GBE1: variants seen among roughly 807,000 people sequenced by gnomAD.
GBE1 encodes 1,4-alpha-glucan-branching enzyme.
In GBE1, 70 loss-of-function variants were observed where a neutral mutation model predicts 88.8. That is an observed-to-expected ratio of 0.79 (90% CI 0.65 to 0.96). The LOEUF (loss-of-function observed/expected upper bound fraction) is 0.96. GBE1 is among the 40% of genes least tolerant of loss of function. The probability of loss-of-function intolerance (pLI) is 0.00; values close to 1 mark genes in which losing one functional copy is unlikely to be tolerated. For synonymous variants in GBE1, 284 were observed against 300.1 expected (o/e 0.95, Z 0.56); for missense variants, 872 against 871.0 (o/e 1.00, Z -0.01).
At chr3:81,689,645 C>T (rs1411731341) in intron 2 of GBE1, among the ~76,000 whole-genome samples, 1 of 152,186 alleles carries the variant, frequency 6.6e-6, no homozygotes, top group African/African-American at 2.4e-5. Context: ...CACACAGCCT[C>T]CCATCACTAG....
intron 1 of GBE1, chr3:81,743,527 T>C (rs1209781599): frequency 4.1e-6 from 6 of 1,468,916 alleles, no homozygotes; most frequent in Non-Finnish European, 5.5e-6. Flanking sequence ...AAAGACCAAC[T>C]CAAAAATAAT....
intron 14 of GBE1, among the ~76,000 whole-genome samples, chr3:81,511,276 T>C (rs1205447823): frequency 6.6e-6 from 1 of 151,978 alleles, no homozygotes; most frequent in African/African-American, 2.4e-5. Context: ...TGCAAACAAT[T>C]TATGGCTAAC....
At chr3:81,550,297 G>C (rs1036735957) in intron 12 of GBE1, among the ~76,000 whole-genome samples, 9 of 151,076 alleles carry the variant, frequency 6.0e-5, no homozygotes, top group African/African-American at 2.2e-4. Flanking sequence ...CAATAGTTAC[G>C]AATGGCTATC....
chr3:81,499,279 A>G lies in GBE1; in HGVS notation c.1935-52T>C, dbSNP rs886903120. On this transcript the variant is annotated intron_variant, in intron 14 of 15. Coordinates refer to ENST00000429644, the MANE Select transcript of GBE1 (RefSeq NM_000158.4). The stretch of plus-strand genomic sequence containing the variant: ...GTTGAGGAGTTGAATGAGACATTGT[A>G]AAATACGTGCTGAGAGAGCAATTTA... The G allele has an allele frequency of 9.5e-6, 10 of 1,055,786 alleles. No individual in the cohort carries two copies. The Admixed American group carries it at 1.3e-4, about 14-fold the overall frequency. 65.4% of individuals were successfully genotyped at this position (1,055,786 alleles called of 1,614,324 possible). A position where few individuals can be genotyped will look rare whatever the true frequency, so the allele number is the denominator to read the frequency against.
intron 3 of GBE1, among the ~76,000 whole-genome samples, chr3:81,669,620 G>T (rs1329553037): frequency 2.6e-5 from 4 of 151,212 alleles, no homozygotes; most frequent in Non-Finnish European, 1.5e-5. Flanking sequence ...GTATACAGGA[G>T]TAGGAAAAAA....
At chr3:81,605,211 T>C (rs1323615660) in intron 7 of GBE1, among the ~76,000 whole-genome samples, 2 of 152,226 alleles carry the variant, frequency 1.3e-5, no homozygotes, top group Non-Finnish European at 2.9e-5. Flanking sequence ...GCTCCAGTTA[T>C]AAATTTTGCA....
At chr3:81,499,991 T>G (rs1037696886) in intron 14 of GBE1, among the ~76,000 whole-genome samples, 27 of 152,196 alleles carry the variant, frequency 1.8e-4, no homozygotes, top group Non-Finnish European at 2.5e-4. Context: ...GTGCTTTTTG[T>G]TTTGATTTCC....
At chr3:81,740,233 A>G (rs1706326326) in intron 1 of GBE1, among the ~76,000 whole-genome samples, 1 of 152,102 alleles carries the variant, frequency 6.6e-6, no homozygotes, top group Non-Finnish European at 1.5e-5. Context: ...TCAAATAATA[A>G]TAATAATAGA....
intron 3 of GBE1, among the ~76,000 whole-genome samples, chr3:81,657,680 GTACCAAATAAACA>G (rs1704961554): frequency 6.6e-6 from 1 of 152,032 alleles, no homozygotes; most frequent in African/African-American, 2.4e-5. Flanking sequence ...CCTGCTATGG[GTACCAAATAAACA>G]TAACTGTTTT....
At chr3:81,685,223 G>A (rs1372114159) in intron 2 of GBE1, among the ~76,000 whole-genome samples, 1 of 152,112 alleles carries the variant, frequency 6.6e-6, no homozygotes, top group Non-Finnish European at 1.5e-5. Flanking sequence ...CAGCAGACAA[G>A]AACTCCCTCA....
At chr3:81,616,719 C>T (rs1304753787) in intron 7 of GBE1, among the ~76,000 whole-genome samples, 1 of 152,104 alleles carries the variant, frequency 6.6e-6, no homozygotes, top group African/African-American at 2.4e-5. Context: ...TCTATGTCTA[C>T]ATCTGTAAAA....
At chr3:81,494,796 CTTAA>C (rs898907255) in intron 15 of GBE1, among the ~76,000 whole-genome samples, 22 of 152,244 alleles carry the variant, frequency 1.4e-4, no homozygotes, top group African/African-American at 5.3e-4. Flanking sequence ...ACTTTAATGA[CTTAA>C]TTGACTCACT....
chr3:81,750,574 T>C (rs796371159), intron 1 of GBE1, among the ~76,000 whole-genome samples: 2 of 65,712 alleles, frequency 3.0e-5, no homozygotes, highest in Non-Finnish European at 2.6e-5. Context: ...TATATATATA[T>C]ACGTATATAT....
chr3:81,667,335 G>A (rs1206992428), intron 3 of GBE1, among the ~76,000 whole-genome samples: 1 of 152,136 alleles, frequency 6.6e-6, no homozygotes, highest in Non-Finnish European at 1.5e-5. Context: ...TCAGCTAAAG[G>A]AGTTTTGGGG....
chr3:81,648,870 CTTGGT>C lies in GBE1; in HGVS notation c.672_676del (p.Pro225AsnfsTer41). The C allele has an allele frequency of 6.5e-7, 1 of 1,534,384 alleles. No homozygotes were observed. The highest frequency in any genetic ancestry group is 8.8e-7 in the Non-Finnish European group (1 of 1,139,438). ...TTATTACTTACCAAGGCCTTTGATT[CTTGGT>C]AGTACATTGCATGTAAAATGTTTAT... is the stretch of plus-strand genomic sequence containing the variant. On this transcript the variant is annotated frameshift_variant, in exon 5 of 16. Transcript: ENST00000429644. LOFTEE classifies it high-confidence loss of function.
intron 7 of GBE1, among the ~76,000 whole-genome samples, chr3:81,616,282 C>T (rs1011921407): frequency 6.6e-6 from 1 of 152,108 alleles, no homozygotes; most frequent in African/African-American, 2.4e-5. Context: ...TCTAAGAACT[C>T]TTTGACTAAT....
At chr3:81,545,819 C>G (rs1349328667) in intron 12 of GBE1, among the ~76,000 whole-genome samples, 1 of 152,112 alleles carries the variant, frequency 6.6e-6, no homozygotes, top group Non-Finnish European at 1.5e-5. Context: ...TGACGTCCTC[C>G]TGCATCCCAC....
At chr3:81,611,832 T>A (rs1704186247) in intron 7 of GBE1, among the ~76,000 whole-genome samples, 1 of 152,100 alleles carries the variant, frequency 6.6e-6, no homozygotes, top group Admixed American at 6.6e-5. Context: ...GAAATAAATA[T>A]AACTAAGACA....
chr3:81,602,146 C>G (rs185594740), intron 7 of GBE1, among the ~76,000 whole-genome samples: 8 of 152,270 alleles, frequency 5.3e-5, no homozygotes, highest in Non-Finnish European at 2.9e-5. Context: ...TTGAAACCCA[C>G]AGGATAAATT....
Sources: gnomAD v4.1 joint callset for allele counts (sites outside exome capture counted in the v4.1 genomes callset) on GRCh38, gnomAD v4.1.1 for gene constraint, MANE v1.5 for transcripts, NCBI Gene and HGNC (gene_info 2026-07-23, HGNC 2026-07-21) for gene names.